CSMD3: variants seen among roughly 807,000 people sequenced by gnomAD.
CSMD3 encodes CUB and sushi domain-containing protein 3.
A neutral mutation model predicts 435.2 loss-of-function variants in CSMD3; 177 were observed. The observed-to-expected ratio is 0.41, with a 90% CI of 0.36 to 0.46. The LOEUF (loss-of-function observed/expected upper bound fraction) is 0.46. Ranked by LOEUF, CSMD3 falls within the 20% of genes least tolerant of loss-of-function variation. The pLI is 0.34. For synonymous variants in CSMD3, 1,656 were observed against 1,520.5 expected, an observed-to-expected ratio of 1.09 and a Z score of -2.07; for missense variants, 4,265 against 4,504.6, an observed-to-expected ratio of 0.95 and a Z score of 1.52.
At chr8:113,397,202 T>G (rs2094487567) in intron 1 of CSMD3, among the ~76,000 whole-genome samples, 1 of 152,198 alleles carries the variant, frequency 6.6e-6, no homozygotes, top group Admixed American at 6.5e-5. Context: ...CGTTAAATTT[T>G]GTTAATCTGA....
At chr8:112,807,486 TGATA>T (rs1157358801) in intron 12 of CSMD3, among the ~76,000 whole-genome samples, 1 of 128,934 alleles carries the variant, frequency 7.8e-6, no homozygotes, top group Non-Finnish European at 1.6e-5. Flanking sequence ...TTGCAATTCT[TGATA>T]GGTAGGTAGG....
chr8:113,014,069 G>A (rs1435084857), intron 6 of CSMD3, among the ~76,000 whole-genome samples: 2 of 152,100 alleles, frequency 1.3e-5, no homozygotes, highest in Non-Finnish European at 2.9e-5. Flanking sequence ...GATACTGAGA[G>A]GATGGCATGG....
At chr8:112,675,548 G>A (rs149953579) in intron 16 of CSMD3, among the ~76,000 whole-genome samples, 11 of 152,052 alleles carry the variant, frequency 7.2e-5, no homozygotes, top group African/African-American at 2.2e-4. Flanking sequence ...AAAAGGACAA[G>A]AGAAGCAGAA....
Position 112,405,214 on chromosome 8 carries a change from C to A in CSMD3, c.5809+1310G>T, listed in dbSNP as rs369359043. On this transcript the variant is annotated intron_variant, in intron 35 of 70. Coordinates refer to ENST00000297405, the MANE Select transcript of CSMD3 (RefSeq NM_198123.2). ...AAAAAAAAAAAAAAAAAAAAACCCC[C>A]ATATATATATATATATATATATATA... 2.1e-4 allele frequency among the ~76,000 whole-genome samples: 4 copies of A among 19,066 alleles called. 2 individuals are homozygous for A. The highest frequency in any genetic ancestry group is 3.2e-4 in the Non-Finnish European group (4 of 12,426). The allele number at this position is 19,066 out of a possible 152,430, so 12.5% of individuals were successfully genotyped here.
chr8:113,134,921 C>T (rs1040809218), intron 4 of CSMD3, among the ~76,000 whole-genome samples: 1 of 152,032 alleles, frequency 6.6e-6, no homozygotes, highest in Non-Finnish European at 1.5e-5. Flanking sequence ...CAAATGTGAG[C>T]AAATGAGGAT....
At chr8:112,327,497 G>T (rs999943309) in intron 45 of CSMD3, among the ~76,000 whole-genome samples, 2 of 152,120 alleles carry the variant, frequency 1.3e-5, no homozygotes, top group African/African-American at 4.8e-5. Flanking sequence ...TAAATCATAT[G>T]TACATATATG....
intron 16 of CSMD3, among the ~76,000 whole-genome samples, chr8:112,679,672 A>G (rs1282388971): frequency 6.6e-6 from 1 of 152,188 alleles, no homozygotes; most frequent in Non-Finnish European, 1.5e-5. Flanking sequence ...TTACTGATTG[A>G]CATTACTAAT....
intron 32 of CSMD3, among the ~76,000 whole-genome samples, chr8:112,464,177 G>A (rs1217737402): frequency 6.6e-6 from 1 of 150,818 alleles, no homozygotes; most frequent in African/African-American, 2.4e-5. Context: ...GGCAGAGCTT[G>A]CAGTGAGCCG....
intron 1 of CSMD3, among the ~76,000 whole-genome samples, chr8:113,375,514 T>TACACACACACACACACACACACAC (rs3221516): frequency 1.4e-5 from 1 of 69,228 alleles, no homozygotes; most frequent in East Asian, 4.2e-4. Flanking sequence ...GACTATTTAA[T>TACACACACACACACACACACACAC]ACACACACAC....
In CSMD3 at chr8:112,725,624, A is replaced by G. The variant is rs147124572; in HGVS notation, c.1973-35574T>C. Among the ~76,000 whole-genome samples the G allele has an allele frequency of 4.8e-3, 726 of 152,026 alleles. 10 individuals are homozygous for G. The highest frequency in any genetic ancestry group is 0.017 in the African/African-American group (701 of 41,544). On this transcript the variant is annotated intron_variant, in intron 13 of 70. Coordinates refer to ENST00000297405, the MANE Select transcript of CSMD3 (RefSeq NM_198123.2). ...GGCTTTTTTACTTTTGTATATATGA[A>G]AGGGAGAATTGGCTAGAAACTGCTT...
At chr8:112,691,537 G>C (rs1369239242) in intron 13 of CSMD3, among the ~76,000 whole-genome samples, 1 of 151,854 alleles carries the variant, frequency 6.6e-6, no homozygotes, top group Non-Finnish European at 1.5e-5. Context: ...TCTTGGAGAG[G>C]GTTTTGGGCC....
At chr8:112,493,027 T>C (rs1820857626) in intron 30 of CSMD3, among the ~76,000 whole-genome samples, 1 of 152,098 alleles carries the variant, frequency 6.6e-6, no homozygotes, top group Admixed American at 6.6e-5. Flanking sequence ...CAGCTGACTG[T>C]TTTTTATGGA....
intron 11 of CSMD3, among the ~76,000 whole-genome samples, chr8:112,853,776 G>C (rs750636998): frequency 6.6e-6 from 1 of 152,192 alleles, no homozygotes; most frequent in East Asian, 1.9e-4. Context: ...TTACTTGAAA[G>C]CAATACTGTG....
At chr8:112,394,601 A>G (rs1830714064) in intron 35 of CSMD3, among the ~76,000 whole-genome samples, 1 of 151,968 alleles carries the variant, frequency 6.6e-6, no homozygotes, top group Admixed American at 6.6e-5. Flanking sequence ...CTCTCCCTCA[A>G]CAGTCCATAC....
At chr8:113,153,174 A>AAGGAAGGAAGGAAGGAAGGAAGGAAG in intron 4 of CSMD3, among the ~76,000 whole-genome samples, 1 of 64,848 alleles carries the variant, frequency 1.5e-5, no homozygotes, top group Non-Finnish European at 3.4e-5. Flanking sequence ...AAGGAAGGAA[A>AAGGAAGGAAGGAAGGAAGGAAGGAAG]GAAGGAAGGG....
chr8:113,400,843 T>C (rs750247302), intron 1 of CSMD3, among the ~76,000 whole-genome samples: 2 of 151,748 alleles, frequency 1.3e-5, no homozygotes, highest in Non-Finnish European at 3.0e-5. Flanking sequence ...ATCCTGAAAA[T>C]TGGGTAGAGT....
At chr8:112,916,927 T>C (rs569078642) in intron 10 of CSMD3, among the ~76,000 whole-genome samples, 41 of 152,078 alleles carry the variant, frequency 2.7e-4, no homozygotes, top group African/African-American at 6.3e-4. Flanking sequence ...TTGTAACATA[T>C]GTAAAATAAT....
At chr8:112,804,320 G>T (rs1257626612) in intron 12 of CSMD3, among the ~76,000 whole-genome samples, 2 of 139,684 alleles carry the variant, frequency 1.4e-5, no homozygotes, top group Non-Finnish European at 3.3e-5. Context: ...ATGTGAAGAA[G>T]AAAATAAATT....
chr8:112,657,742 T>C (rs1267659258), intron 17 of CSMD3, among the ~76,000 whole-genome samples: 2 of 152,190 alleles, frequency 1.3e-5, no homozygotes, highest in Non-Finnish European at 2.9e-5. Flanking sequence ...TTTTCCTTGC[T>C]TTAACCAAGG....
Sources: allele counts gnomAD v4.1 joint callset (sites outside exome capture counted in the v4.1 genomes callset), GRCh38; gene constraint gnomAD v4.1.1; transcripts MANE v1.5; gene names NCBI Gene and HGNC (gene_info 2026-07-23, HGNC 2026-07-21).